The following SYTL2 variants were observed in gnomAD, a reference collection of about 807,000 sequenced individuals.
SYTL2 encodes the protein synaptotagmin-like protein 2.
SYTL2 carries 165 observed loss-of-function variants against 198.7 expected under a neutral mutation model. The observed-to-expected ratio is 0.83, with a 90% confidence interval of 0.73 to 0.94. The LOEUF (loss-of-function observed/expected upper bound fraction) is 0.94. Among genes scored for constraint, SYTL2 ranks in the 40% least tolerant of loss-of-function variants. SYTL2 has a pLI of 0.00. For synonymous variants in SYTL2, 966 were observed against 917.7 expected, an observed-to-expected ratio of 1.05 and a Z score of -0.95; for missense variants, 2,835 against 2,582.8, an observed-to-expected ratio of 1.10 and a Z score of -2.12.
At chr11:85,803,687 C>T (rs188895662) in intron 1 of SYTL2, among the ~76,000 whole-genome samples, 2 of 152,190 alleles carry the variant, frequency 1.3e-5, no homozygotes. Flanking sequence ...AGAACTCCCC[C>T]CAAAGAGGCA....
intron 8 of SYTL2, among the ~76,000 whole-genome samples, chr11:85,723,570 T>C (rs2088671380): frequency 1.3e-5 from 2 of 152,208 alleles, no homozygotes; most frequent in South Asian, 4.1e-4. Context: ...AGGTTGCCAA[T>C]TAAGGAAGAA....
At chr11:85,827,752 AC>A in the SYTL2 span, among the ~76,000 whole-genome samples, 2 of 152,146 alleles carry the variant, frequency 1.3e-5, no homozygotes, top group Non-Finnish European at 2.9e-5. Flanking sequence ...CAGCCCCTCC[AC>A]CCAGATATGG....
At chr11:85,842,057 G>T in the SYTL2 span, among the ~76,000 whole-genome samples, 1 of 152,176 alleles carries the variant, frequency 6.6e-6, no homozygotes, top group Non-Finnish European at 1.5e-5. Context: ...GGCAATGGTG[G>T]TATAATGGTG....
Position 85,709,341 on chromosome 11 carries a change from G to C in SYTL2, c.5905C>G (p.Arg1969Gly), listed in dbSNP as rs758216553. ...CTAAAATGTACTTACGGGTCTGAAC[G>C]CTGTTTTTTTACATCCGCTGCTGCT... The part of the protein sequence containing the change: ...DLAAADVKKQ[R>G]SDPYVKAYLL... Residue 1969 changes from arginine to glycine, a missense_variant, in exon 14 of 20, where the codon CGT becomes GGT. Arg to Gly is a moderately radical substitution (Grantham distance 125). Coordinates refer to ENST00000359152, the MANE Select transcript of SYTL2 (RefSeq NM_206927.4). 6.2e-7 allele frequency: 1 copy of C among 1,614,010 alleles called. No homozygotes were observed. Among genetic ancestry groups the C allele is most frequent in the Non-Finnish European group, 8.5e-7 (1 of 1,179,980 alleles).
At chr11:85,772,823 C>T (rs1212331687) in intron 1 of SYTL2, among the ~76,000 whole-genome samples, 1 of 152,212 alleles carries the variant, frequency 6.6e-6, no homozygotes, top group Admixed American at 6.5e-5. Context: ...TGGAGCTAAC[C>T]TTAGGAATTC....
At chr11:85,816,858 G>C in the SYTL2 span, among the ~76,000 whole-genome samples, 1 of 146,096 alleles carries the variant, frequency 6.8e-6, no homozygotes, top group South Asian at 2.1e-4. Flanking sequence ...AGGCTACAGT[G>C]AGCCATGATC....
chr11:85,709,339 A>G lies in SYTL2; in HGVS notation c.5907T>C (p.Arg1969=). 2 of 1,614,138 alleles carry G rather than the reference A, an allele frequency of 1.2e-6. No homozygotes were observed. The highest frequency in any genetic ancestry group is 1.1e-5 in the South Asian group (1 of 91,086). Residue 1969 remains arginine (R), a synonymous_variant, in exon 14 of 20, where the codon CGT becomes CGC. Coordinates refer to ENST00000359152, the MANE Select transcript of SYTL2 (RefSeq NM_206927.4). The part of the protein sequence containing the change: ...DLAAADVKKQ[R]SDPYVKAYLL... ...CTCTAAAATGTACTTACGGGTCTGAACGCTGTTTTTTTACATCCGCTGCTG... is the reference window on the plus strand; with the variant it reads ...CTCTAAAATGTACTTACGGGTCTGAGCGCTGTTTTTTTACATCCGCTGCTG...
chr11:85,723,517 T>C (rs11234390), intron 8 of SYTL2, among the ~76,000 whole-genome samples: 5,877 of 152,332 alleles, frequency 0.039, 181 homozygotes, highest in East Asian at 0.1. Context: ...TTTGTGTCCA[T>C]CTGTGGCACA....
At chr11:85,826,534 G>A in the SYTL2 span, among the ~76,000 whole-genome samples, 1,754 of 152,342 alleles carry the variant, frequency 0.012, 36 homozygotes, top group African/African-American at 0.041. Flanking sequence ...AAGAAATCAA[G>A]TCCAGGGGAG....
At chr11:85,794,865 C>T (rs2153634201) in intron 1 of SYTL2, among the ~76,000 whole-genome samples, 1 of 151,668 alleles carries the variant, frequency 6.6e-6, no homozygotes, top group South Asian at 2.1e-4. Context: ...AAAGTAGATC[C>T]CTTCATCATT....
At chr11:85,782,189 T>C (rs1172795176) in intron 1 of SYTL2, among the ~76,000 whole-genome samples, 2 of 152,246 alleles carry the variant, frequency 1.3e-5, no homozygotes, top group Non-Finnish European at 2.9e-5. Flanking sequence ...TTCTGTGCAC[T>C]GGTAGGCTCA....
intron 3 of SYTL2, among the ~76,000 whole-genome samples, chr11:85,746,253 T>C (rs2091149395): frequency 6.6e-6 from 1 of 152,208 alleles, no homozygotes; most frequent in African/African-American, 2.4e-5. Context: ...TGTCTTCCTC[T>C]GCTGCCTTCT....
chr11:85,794,473 C>T (rs2092774849), intron 1 of SYTL2, among the ~76,000 whole-genome samples: 1 of 152,168 alleles, frequency 6.6e-6, no homozygotes, highest in Non-Finnish European at 1.5e-5. Context: ...GCCACCACGC[C>T]CAGCCAGTTT....
upstream of SYTL2, among the ~76,000 whole-genome samples, chr11:85,811,336 C>G (rs367912326): frequency 5.3e-5 from 8 of 152,280 alleles, no homozygotes; most frequent in East Asian, 1.4e-3. Context: ...TCGCCCTCCG[C>G]CCCCGCCTGC....
At chr11:85,829,656 T>A in the SYTL2 span, among the ~76,000 whole-genome samples, 1 of 152,202 alleles carries the variant, frequency 6.6e-6, no homozygotes, top group Non-Finnish European at 1.5e-5. Context: ...TGAACTGGTT[T>A]GCATTCCCAC....
chr11:85,705,072 G>A, intron 15 of SYTL2, 44 bp from the exon 16 acceptor site: 1 of 1,474,744 alleles, frequency 6.8e-7, no homozygotes, highest in Non-Finnish European at 9.4e-7. Flanking sequence ...AACATTACTT[G>A]ATGCCAAAGT....
the SYTL2 span, among the ~76,000 whole-genome samples, chr11:85,842,730 T>C: frequency 5.9e-5 from 9 of 152,156 alleles, no homozygotes; most frequent in Non-Finnish European, 1.2e-4. Flanking sequence ...AACTCTTTCC[T>C]AAGAGATCTG....
At chr11:85,752,674 G>A (rs1299060878) in intron 2 of SYTL2, among the ~76,000 whole-genome samples, 3 of 152,014 alleles carry the variant, frequency 2.0e-5, no homozygotes, top group African/African-American at 2.4e-5. Flanking sequence ...TGTAAGGGAA[G>A]TGCACAGGCC....
At position 85,734,027 on chromosome 11, in the gene SYTL2, A is replaced by C. The variant is rs1189106282; in HGVS notation, c.1302T>G (p.Ser434=). The C allele has an allele frequency of 1.2e-6, 2 of 1,614,096 alleles. No homozygotes were observed. Among genetic ancestry groups the C allele is most frequent in the Non-Finnish European group, 1.7e-6 (2 of 1,179,912 alleles). Reference sequence around the variant, plus strand: ...CATTGATGGTTGGTGAATTCTCCATAGACTGTGGTCTTGCAGTTAAAACTT... The same window carrying C: ...CATTGATGGTTGGTGAATTCTCCATCGACTGTGGTCTTGCAGTTAAAACTT... The part of the protein sequence containing the change: ...HSEVLTARPQ[S]MENSPTINEP... The change falls in exon 7 of 20, where the codon TCT becomes TCG. Residue 434 remains serine (S), a synonymous_variant. Transcript: ENST00000359152.
Sources: gnomAD v4.1 joint callset for allele counts (sites outside exome capture counted in the v4.1 genomes callset) on GRCh38, gnomAD v4.1.1 for gene constraint, MANE v1.5 for transcripts, NCBI Gene and HGNC (gene_info 2026-07-23, HGNC 2026-07-21) for gene names.